Variants in CHODL observed in about 807,000 individuals in gnomAD.
CHODL encodes chondrolectin.
A neutral mutation model predicts 34.5 loss-of-function variants in CHODL; 29 were observed. That is an observed-to-expected ratio of 0.84 (90% CI 0.63 to 1.15). CHODL has a LOEUF of 1.15. Ranked by LOEUF, CHODL falls within the 50% of genes most tolerant of loss-of-function variation. CHODL has a pLI of 0.00. For synonymous variants in CHODL, 125 were observed against 116.1 expected (o/e 1.08, Z -0.49); for missense variants, 332 against 332.5 (o/e 1.00, Z 0.01).
At chr21:18,068,204 T>A (rs936282733) in intron 2 of CHODL, among the ~76,000 whole-genome samples, 34 of 148,942 alleles carry the variant, frequency 2.3e-4, no homozygotes, top group African/African-American at 5.4e-4. Flanking sequence ...TCTTTTTTTC[T>A]TTTTTTTTTG....
At chr21:18,261,241 G>C (rs912839282) in intron 4 of CHODL, among the ~76,000 whole-genome samples, 2 of 152,002 alleles carry the variant, frequency 1.3e-5, no homozygotes, top group Non-Finnish European at 2.9e-5. Flanking sequence ...TGATATTAAG[G>C]CTTAGTGCTT....
At chr21:18,195,275 C>A (rs544546050) in intron 2 of CHODL, among the ~76,000 whole-genome samples, 2 of 152,182 alleles carry the variant, frequency 1.3e-5, no homozygotes, top group African/African-American at 4.8e-5. Flanking sequence ...AGGATGGTCT[C>A]GATCTCCTGA....
chr21:18,207,659 CTTT>C (rs34259143), intron 2 of CHODL, among the ~76,000 whole-genome samples: 4 of 55,948 alleles, frequency 7.1e-5, no homozygotes, highest in Non-Finnish European at 1.2e-4. Flanking sequence ...AATCTCTCAG[CTTT>C]TTTTTTTTTT....
At chr21:18,217,439 CA>C in intron 2 of CHODL, among the ~76,000 whole-genome samples, 1 of 152,202 alleles carries the variant, frequency 6.6e-6, no homozygotes, top group Non-Finnish European at 1.5e-5. Flanking sequence ...ACAAAACCAT[CA>C]GATCTCAGGA....
intron 1 of CHODL, among the ~76,000 whole-genome samples, chr21:18,000,530 C>G (rs1005908412): frequency 5.3e-5 from 8 of 152,244 alleles, no homozygotes; most frequent in Non-Finnish European, 1.0e-4. Context: ...AATTGCCACT[C>G]CTGTTTGTGT....
intron 1 of CHODL, chr21:18,245,874 T>G: frequency 6.5e-7 from 1 of 1,532,782 alleles, no homozygotes; most frequent in Non-Finnish European, 8.7e-7. Flanking sequence ...GCCTTTCCTT[T>G]GCACACTGCG....
upstream of CHODL, among the ~76,000 whole-genome samples, chr21:18,241,931 G>A (rs1176091144): frequency 6.6e-6 from 1 of 151,736 alleles, no homozygotes; most frequent in Admixed American, 6.6e-5. Flanking sequence ...AGAAAGTGAT[G>A]CATTTTAGGT....
At chr21:17,969,449 T>G (rs1465989209) in intron 1 of CHODL, among the ~76,000 whole-genome samples, 1 of 152,228 alleles carries the variant, frequency 6.6e-6, no homozygotes, top group Non-Finnish European at 1.5e-5. Flanking sequence ...TATAAAAATG[T>G]TAAATGAAAC....
At chr21:18,160,939 A>C (rs747511008) in intron 2 of CHODL, among the ~76,000 whole-genome samples, 1 of 152,224 alleles carries the variant, frequency 6.6e-6, no homozygotes, top group Non-Finnish European at 1.5e-5. Context: ...ACTAATTTAC[A>C]TTCCCACCAA....
chr21:18,243,547 A>AT (rs113607712), upstream of CHODL, among the ~76,000 whole-genome samples: 19,976 of 144,330 alleles, frequency 0.14, 1,364 homozygotes, highest in Middle Eastern at 0.18. Context: ...TTAGAATTCT[A>AT]TTTTTTTTTT....
At chr21:18,109,988 A>G (rs1219678185) in intron 2 of CHODL, among the ~76,000 whole-genome samples, 2 of 152,200 alleles carry the variant, frequency 1.3e-5, no homozygotes. Flanking sequence ...TACAAAGCCA[A>G]CAAGGGGAAA....
intron 2 of CHODL, among the ~76,000 whole-genome samples, chr21:18,075,459 G>C (rs158030): frequency 0.4 from 61,180 of 151,938 alleles, 13,651 homozygotes; most frequent in East Asian, 0.95. Flanking sequence ...TATAAAGTCA[G>C]ACACTCTTGG....
intron 1 of CHODL, among the ~76,000 whole-genome samples, chr21:17,982,696 C>CTTTTT (rs397867753): frequency 1.5e-3 from 97 of 62,942 alleles, no homozygotes; most frequent in Middle Eastern, 0.032. Flanking sequence ...TATATATATT[C>CTTTTT]TTTTTTTTTT....
intron 1 of CHODL, among the ~76,000 whole-genome samples, chr21:17,994,472 T>C (rs2063828663): frequency 6.6e-6 from 1 of 152,146 alleles, no homozygotes; most frequent in South Asian, 2.1e-4. Context: ...AGGGCACTGG[T>C]GGCAGTAGAG....
At chr21:18,161,152 T>G (rs938040143) in intron 2 of CHODL, among the ~76,000 whole-genome samples, 1 of 152,178 alleles carries the variant, frequency 6.6e-6, no homozygotes, top group Non-Finnish European at 1.5e-5. Flanking sequence ...TCATGTCCTT[T>G]GCCCACTTTT....
chr21:18,005,277 A>G (rs113809145), intron 1 of CHODL, among the ~76,000 whole-genome samples: 4 of 152,384 alleles, frequency 2.6e-5, no homozygotes, highest in African/African-American at 9.6e-5. Flanking sequence ...ATTCTTACCT[A>G]TAATTCATAA....
At chr21:18,230,970 C>G (rs2073973120) in intron 2 of CHODL, among the ~76,000 whole-genome samples, 3 of 151,736 alleles carry the variant, frequency 2.0e-5, no homozygotes, top group African/African-American at 7.3e-5. Flanking sequence ...TTTCATTTAT[C>G]CCTGCACAGG....
chr21:17,961,835 G>A (rs2063534468), intron 1 of CHODL, among the ~76,000 whole-genome samples: 1 of 152,184 alleles, frequency 6.6e-6, no homozygotes, highest in African/African-American at 2.4e-5. Context: ...GTACAAGAGA[G>A]GTCACAAAAA....
At chr21:18,109,658 A>G (rs2065322919) in intron 2 of CHODL, among the ~76,000 whole-genome samples, 1 of 152,072 alleles carries the variant, frequency 6.6e-6, no homozygotes, top group Non-Finnish European at 1.5e-5. Context: ...GATTCAGCAA[A>G]TCTTTATATA....
Sources: gnomAD v4.1 joint callset for allele counts (sites outside exome capture counted in the v4.1 genomes callset) on GRCh38, gnomAD v4.1.1 for gene constraint, MANE v1.5 for transcripts, NCBI Gene and HGNC (gene_info 2026-07-23, HGNC 2026-07-21) for gene names.